Variants in ZNF304 observed in about 807,000 individuals in gnomAD.
ZNF304 encodes zinc finger protein 304.
A neutral mutation model predicts 7.8 loss-of-function variants in ZNF304; 7 were observed. The ratio of observed to expected loss-of-function variants is 0.90; its 90% CI spans 0.51 to 1.69. The LOEUF is 1.69. Ranked by LOEUF, ZNF304 falls within the 40% of genes most tolerant of loss-of-function variation. The pLI, the probability that ZNF304 is intolerant of heterozygous loss-of-function variation, is 0.00. For missense variants in ZNF304, 669 were observed against 804.8 expected, an observed-to-expected ratio of 0.83 and a Z score of 2.04; for synonymous variants, 280 against 272.4, an observed-to-expected ratio of 1.03 and a Z score of -0.27.
At position 57,359,613 on chromosome 19, in the gene ZNF304, C is replaced by T. The variant is rs1187200608; in HGVS notation, c.*1764C>T. 1.3e-5 allele frequency: 2 copies of T among 152,194 alleles called. No homozygotes were observed. The highest frequency in any genetic ancestry group is 2.9e-5 in the Non-Finnish European group (2 of 68,036). The allele number at this position is 152,194 out of a possible 1,614,324, so 9.4% of individuals were successfully genotyped here. A position where few individuals can be genotyped will look rare whatever the true frequency, so the allele number is the denominator to read the frequency against. On this transcript the variant is annotated 3_prime_UTR_variant, in exon 3 of 3. Transcript: ENST00000282286. Reference sequence around the variant, plus strand: ...TTTCCTTATCTTGTTTTCCACAATTCACAAGCAACAGCAAGCATTTTCTAT... The same window carrying T: ...TTTCCTTATCTTGTTTTCCACAATTTACAAGCAACAGCAAGCATTTTCTAT...
In ZNF304 at chr19:57,351,465, G is replaced by C; in HGVS notation, c.-200G>C. On this transcript the variant is annotated 5_prime_UTR_variant, in exon 1 of 3. Transcript: ENST00000282286. The surrounding 1 kb of genome is among the most constrained non-coding windows in gnomAD (Gnocchi z 4.1). The stretch of plus-strand genomic sequence containing the variant: ...CGGCCTCTCGCGGAGGTGTCTGCCG[G>C]GGCTGGGCTCTTACCGAGGCCTCCA... The C allele has an allele frequency of 1.6e-6, 1 of 614,350 alleles. No individual in the cohort carries two copies. The highest frequency in any genetic ancestry group is 2.9e-6 in the Non-Finnish European group (1 of 350,592). 38.1% of individuals were successfully genotyped at this position (614,350 alleles called of 1,614,324 possible). A position where few individuals can be genotyped will look rare whatever the true frequency, so the allele number is the denominator to read the frequency against.
Position 57,356,544 on chromosome 19 carries a change from C to T in ZNF304, c.675C>T (p.Cys225=), listed in dbSNP as rs757556059. Residue 225 remains cysteine (C), a synonymous_variant, in exon 3 of 3, where the codon TGC becomes TGT. Transcript: ENST00000282286. The part of the protein sequence containing the change: ...GDYDGQMLFS[C]GDEGKAFLDT... ...ATGATGGACAGATGCTTTTCAGTTG[C>T]GGTGATGAAGGGAAAGCCTTCCTGG... 5.0e-6 allele frequency: 8 copies of T among 1,614,146 alleles called. No individual in the cohort carries two copies. The highest frequency in any genetic ancestry group is 1.1e-5 in the South Asian group (1 of 91,082).
chr19:57,356,281 C>T lies in ZNF304; in HGVS notation c.412C>T (p.Gln138Ter). 6.2e-7 allele frequency: 1 copy of T among 1,614,174 alleles called. No homozygotes were observed. ...FSANFYQHQK[Q>*]HNGENCFRGD... Reference sequence around the variant, plus strand: ...TGCAAACTTTTACCAGCACCAGAAGCAACATAATGGAGAGAATTGCTTCAG... The same window carrying T: ...TGCAAACTTTTACCAGCACCAGAAGTAACATAATGGAGAGAATTGCTTCAG... The change falls in exon 3 of 3, where the codon CAA becomes TAA. Residue 138 changes from glutamine (Q) to a stop codon, truncating the protein, a stop_gained. Transcript: ENST00000282286. LOFTEE classifies it low-confidence loss of function (END_TRUNC).
intron 2 of ZNF304, 100 bp from the exon 3 acceptor site, chr19:57,355,930 A>G (rs1020288248): frequency 5.2e-6 from 7 of 1,343,058 alleles, no homozygotes; most frequent in Non-Finnish European, 7.2e-6. Flanking sequence ...CCTGCCAACA[A>G]GCCAGTGGAC....
Position 57,357,940 on chromosome 19 carries a change from T to C in ZNF304, c.*91T>C. On this transcript the variant is annotated 3_prime_UTR_variant, in exon 3 of 3. Transcript: ENST00000282286. ...CATAGGACTCACACCAGAGCAATGC[T>C]CTGTGAGTACCCTTTGTGAGGGAAC... 6.8e-7 allele frequency: 1 copy of C among 1,465,318 alleles called. No homozygotes were observed. The allele number at this position is 1,465,318 out of a possible 1,614,324, so 90.8% of individuals were successfully genotyped here.
Position 57,356,535 on chromosome 19 carries a change from T to C in ZNF304, c.666T>C (p.Leu222=). 1 of 1,614,142 alleles carries C rather than the reference T, an allele frequency of 6.2e-7. No homozygotes were observed. The highest frequency in any genetic ancestry group is 8.5e-7 in the Non-Finnish European group (1 of 1,180,014). The change falls in exon 3 of 3, where the codon CTT becomes CTC. Residue 222 remains leucine, a synonymous_variant. Transcript: ENST00000282286. ...AAGGAGACTATGATGGACAGATGCT[T>C]TTCAGTTGCGGTGATGAAGGGAAAG... The part of the protein sequence containing the change: ...QHQGDYDGQM[L]FSCGDEGKAF...
rs1346639357 is a variant in ZNF304 at position 57,359,733 on chromosome 19, CTT to C, written c.*1885_*1886del. 6.6e-6 allele frequency: 1 copy of C among 152,174 alleles called. No homozygotes were observed. Among genetic ancestry groups the C allele is most frequent in the Non-Finnish European group, 1.5e-5 (1 of 68,022 alleles). 9.4% of individuals were successfully genotyped at this position (152,174 alleles called of 1,614,324 possible). ...AACTATTTTAAGGTTAATCCATTAT[CTT>C]GTTGCATGAATCAATTGTTTGCTCA... On this transcript the variant is annotated 3_prime_UTR_variant, in exon 3 of 3. Coordinates refer to ENST00000282286, the MANE Select transcript of ZNF304 (RefSeq NM_020657.4).
In ZNF304 at chr19:57,351,944, T is replaced by TAGG. The variant is rs1456429408; in HGVS notation, c.33+248_33+250dup. The TAGG allele has an allele frequency of 4.2e-6, 2 of 472,500 alleles. No homozygotes were observed. The highest frequency in any genetic ancestry group is 7.5e-6 in the Non-Finnish European group (2 of 268,214). 29.3% of individuals were successfully genotyped at this position (472,500 alleles called of 1,614,324 possible). On this transcript the variant is annotated intron_variant, in intron 1 of 2. Transcript: ENST00000282286. This position sits in a 1 kb window ranked among gnomAD's most constrained non-coding sequence, Gnocchi z 4.1. Reference sequence around the variant, plus strand: ...CTCTGTGCCTGGTGAGAACAGGGACTAGGGGGTCAGAGGTAGGCCTGGAAT... The same window carrying TAGG: ...CTCTGTGCCTGGTGAGAACAGGGACTAGGAGGGGGTCAGAGGTAGGCCTGGAAT...
In ZNF304 at chr19:57,356,408, C is replaced by G; in HGVS notation, c.539C>G (p.Ser180Cys). The G allele has an allele frequency of 2.5e-6, 4 of 1,614,192 alleles. No individual in the cohort carries two copies. The Middle Eastern group carries it at 6.6e-4, about 266-fold the overall frequency. Residue 180 changes from serine to cysteine, a missense_variant, in exon 3 of 3, where the codon TCT becomes TGT. Physicochemically the swap from Ser to Cys is moderately radical, Grantham distance 112. Transcript: ENST00000282286. ...GAAGGGATGGACTTACCAGATAGCT[C>G]TGGCCTTTTCCAGCACCAGACCACT... ...REEGMDLPDS[S>C]GLFQHQTTYN...
chr19:57,353,941 G>T, intron 2 of ZNF304, 90 bp downstream of exon 2: 2 of 1,055,876 alleles, frequency 1.9e-6, no homozygotes, highest in Non-Finnish European at 1.3e-6. Flanking sequence ...TATCTCTCCA[G>T]TTTCAGTGCA....
intron 2 of ZNF304, among the ~76,000 whole-genome samples, chr19:57,354,304 C>G (rs2088310575): frequency 6.6e-6 from 1 of 152,226 alleles, no homozygotes; most frequent in Non-Finnish European, 1.5e-5. Context: ...GTGTGCCCAG[C>G]CTGATCACAC....
rs1375438856 is a variant in ZNF304, at chr19:57,351,495, C to T, written c.-170C>T. On this transcript the variant is annotated 5_prime_UTR_variant, in exon 1 of 3. The change creates a new upstream start codon in the 5' untranslated region. Coordinates refer to ENST00000282286, the MANE Select transcript of ZNF304 (RefSeq NM_020657.4). The surrounding 1 kb of genome is among the most constrained non-coding windows in gnomAD (Gnocchi z 4.1). ...GGGCTCTTACCGAGGCCTCCACACA[C>T]GTCCTCTTGTCCTTGTCTCCCCCAG... 2 of 764,254 alleles carry T rather than the reference C, an allele frequency of 2.6e-6. No homozygotes were observed. Among genetic ancestry groups the T allele is most frequent in the Admixed American group, 2.3e-5 (1 of 42,570 alleles). The allele number at this position is 764,254 out of a possible 1,614,324, so 47.3% of individuals were successfully genotyped here.
rs1223074307 is a variant in ZNF304 at position 57,353,954 on chromosome 19, G to C, written c.160+103G>C. 3 of 948,072 alleles carry C rather than the reference G, an allele frequency of 3.2e-6. No homozygotes were observed. In the East Asian group the frequency reaches 8.0e-5, roughly 25 times the overall value. 58.7% of individuals were successfully genotyped at this position (948,072 alleles called of 1,614,324 possible). A position where few individuals can be genotyped will look rare whatever the true frequency, so the allele number is the denominator to read the frequency against. On this transcript the variant is annotated intron_variant, in intron 2 of 2. Transcript: ENST00000282286. ...ATTATCTCTCCAGTTTCAGTGCATTGGTAATCTGGTTAGAGCATTTTTTGT... is the reference window on the plus strand; with the variant it reads ...ATTATCTCTCCAGTTTCAGTGCATTCGTAATCTGGTTAGAGCATTTTTTGT...
At chr19:57,352,011 A>T (rs2088281380) in intron 1 of ZNF304, 7 of 366,376 alleles carry the variant, frequency 1.9e-5, no homozygotes, top group South Asian at 1.1e-4. Context: ...GGGTGCTGGG[A>T]GTCATGCAAG....
In ZNF304 at chr19:57,359,873, TAAAC is replaced by T. The variant is rs2088399840; in HGVS notation, c.*2025_*2028del. The stretch of plus-strand genomic sequence containing the variant: ...ACTTTCAGTTTTTGGCTATTACAAA[TAAAC>T]CTCTGAAGATTTGTGTGCAAATTAT... On this transcript the variant is annotated 3_prime_UTR_variant, in exon 3 of 3. Transcript: ENST00000282286. The T allele has an allele frequency of 6.6e-6, 1 of 152,258 alleles. No individual in the cohort carries two copies. Among genetic ancestry groups the T allele is most frequent in the South Asian group, 2.1e-4 (1 of 4,838 alleles). The allele number at this position is 152,258 out of a possible 1,614,324, so 9.4% of individuals were successfully genotyped here.
In ZNF304 at chr19:57,351,363, GCAA is replaced by G; in HGVS notation, c.-301_-299del. The stretch of plus-strand genomic sequence containing the variant: ...TTCTACGCGGCTCTCGTGGAACCTA[GCAA>G]AGAAAGACAGTGAAGACTGCAGGAC... On this transcript the variant is annotated 5_prime_UTR_variant, in exon 1 of 3. Transcript: ENST00000282286. The surrounding 1 kb of genome is among the most constrained non-coding windows in gnomAD (Gnocchi z 4.1). 1 of 445,552 alleles carries G rather than the reference GCAA, an allele frequency of 2.2e-6. No homozygotes were observed. The allele number at this position is 445,552 out of a possible 1,614,324, so 27.6% of individuals were successfully genotyped here.
At chr19:57,353,997 G>GT (rs35055601) in intron 2 of ZNF304, 146 bp downstream of exon 2, 9,270 of 595,126 alleles carry the variant, frequency 0.016, 27 homozygotes, top group African/African-American at 0.037. Flanking sequence ...TATTTTGAGG[G>GT]TTTTTTTTTT....
Position 57,351,836 on chromosome 19 carries a change from G to A in ZNF304, c.33+139G>A, listed in dbSNP as rs2088278632. 1 of 943,380 alleles carries A rather than the reference G, an allele frequency of 1.1e-6. No individual in the cohort carries two copies. Among genetic ancestry groups the A allele is most frequent in the Non-Finnish European group, 1.6e-6 (1 of 640,760 alleles). 58.4% of individuals were successfully genotyped at this position (943,380 alleles called of 1,614,324 possible). ...GCTCCCCTCATCAGTGGCATAAGGTGTGGAACGGACTCGAAGGCGCAGGGG... is the reference window on the plus strand; with the variant it reads ...GCTCCCCTCATCAGTGGCATAAGGTATGGAACGGACTCGAAGGCGCAGGGG... On this transcript the variant is annotated intron_variant, in intron 1 of 2. Transcript: ENST00000282286. The surrounding 1 kb of genome is among the most constrained non-coding windows in gnomAD (Gnocchi z 4.1).
At chr19:57,353,642 G>T (rs2088301229) in intron 1 of ZNF304, 83 bp from the exon 2 acceptor site, 1 of 1,506,146 alleles carries the variant, frequency 6.6e-7, no homozygotes, top group Non-Finnish European at 8.9e-7. Context: ...ACTAGAGAGT[G>T]GGTGTGTGAG....
Sources: gnomAD v4.1 joint callset for allele counts (sites outside exome capture counted in the v4.1 genomes callset) on GRCh38, gnomAD v4.1.1 for gene constraint, Gnocchi (gnomAD v3.1) non-coding constraint, MANE v1.5 for transcripts, NCBI Gene and HGNC (gene_info 2026-07-23, HGNC 2026-07-21) for gene names.